ZFHX3: variants seen among roughly 807,000 people sequenced by gnomAD.
ZFHX3 encodes the protein zinc finger homeobox protein 3.
In ZFHX3, 42 loss-of-function variants were observed where a neutral mutation model predicts 279.1. The observed-to-expected ratio is 0.15, with a 90% CI of 0.12 to 0.19. ZFHX3 has a LOEUF of 0.19. Ranked by LOEUF, ZFHX3 falls within the 10% of genes least tolerant of loss-of-function variation. The pLI, the probability that ZFHX3 is intolerant of heterozygous loss-of-function variation, is 1.00. For missense variants in ZFHX3, 4,981 were observed against 4,754.0 expected, an observed-to-expected ratio of 1.05 and a Z score of -1.40; for synonymous variants, 2,293 against 1,957.8, an observed-to-expected ratio of 1.17 and a Z score of -4.52.
At chr16:73,036,475 G>T (rs1208374468) in intron 1 of ZFHX3, among the ~76,000 whole-genome samples, 1 of 152,132 alleles carries the variant, frequency 6.6e-6, no homozygotes, top group Non-Finnish European at 1.5e-5. Context: ...TTTCTCCCTG[G>T]TCTGTCCACC....
chr16:73,512,706 C>T (rs753576172), intron 2 of ZFHX3, among the ~76,000 whole-genome samples: 1 of 152,096 alleles, frequency 6.6e-6, no homozygotes, highest in Non-Finnish European at 1.5e-5. Flanking sequence ...AAAGCTTGGC[C>T]ACGGCAATGG....
chr16:73,782,206 A>T (rs1005551557), intron 1 of ZFHX3, among the ~76,000 whole-genome samples: 2 of 152,168 alleles, frequency 1.3e-5, no homozygotes, highest in Non-Finnish European at 2.9e-5. Context: ...GTAAATCTTG[A>T]GACCTATGGA....
At position 73,093,010 on chromosome 16, in the gene ZFHX3, C is replaced by T. The variant is rs558714606; in HGVS notation, c.-533+225G>A. The T allele has an allele frequency of 4.8e-5, 25 of 520,018 alleles. 1 individual carries two copies. The highest frequency in any genetic ancestry group is 2.0e-4 in the South Asian group (14 of 71,586). The allele number at this position is 520,018 out of a possible 1,614,324, so 32.2% of individuals were successfully genotyped here. A position where few individuals can be genotyped will look rare whatever the true frequency, so the allele number is the denominator to read the frequency against. On this transcript the variant is annotated intron_variant, in intron 8 of 17. Transcript: ENST00000641206. ...GGTGAAATCCCTTCTCCTTTTTCTT[C>T]GGGCCCTTGTTTTCTTCCATCCTTT...
intron 1 of ZFHX3, among the ~76,000 whole-genome samples, chr16:72,992,717 GA>G (rs1682270412): frequency 6.6e-6 from 1 of 152,248 alleles, no homozygotes; most frequent in Non-Finnish European, 1.5e-5. Context: ...GACCAAGAAA[GA>G]AATGTATGGC....
In ZFHX3 at chr16:73,878,940, G is replaced by GATGTATATATATATAT. The variant is rs1288348948; in HGVS notation, c.-1608+12710_-1608+12711insATATATATATATACAT. On this transcript the variant is annotated intron_variant, in intron 1 of 17. Coordinates refer to the ZFHX3 transcript ENST00000641206. ...ATCCTTCACTGTTCAAAAAAGATAAGATATATATATATATATATATATATA... is the reference window on the plus strand; with the variant it reads ...ATCCTTCACTGTTCAAAAAAGATAAGATGTATATATATATATATATATATATATATATATATATATA... Among the ~76,000 whole-genome samples, 4 of 141,030 alleles carry GATGTATATATATATAT rather than the reference G, an allele frequency of 2.8e-5. No individual in the cohort carries two copies. The Admixed American group carries it at 2.9e-4, about 10-fold the overall frequency. The allele number at this position is 141,030 out of a possible 152,430, so 92.5% of individuals were successfully genotyped here.
At chr16:73,804,871 C>CCA (rs1204365922) in intron 1 of ZFHX3, among the ~76,000 whole-genome samples, 3 of 136,092 alleles carry the variant, frequency 2.2e-5, no homozygotes, top group Non-Finnish European at 4.6e-5. Flanking sequence ...ACTTAACACA[C>CCA]CACACACACA....
chr16:73,883,905 T>C (rs922765051), intron 1 of ZFHX3, among the ~76,000 whole-genome samples: 3 of 152,036 alleles, frequency 2.0e-5, no homozygotes, highest in African/African-American at 7.2e-5. Context: ...AAAGCTACAA[T>C]TTTGATCAGA....
At chr16:73,697,666 G>A (rs893946185) in intron 1 of ZFHX3, among the ~76,000 whole-genome samples, 3 of 152,080 alleles carry the variant, frequency 2.0e-5, no homozygotes, top group African/African-American at 4.8e-5. Context: ...ACCTGGATAT[G>A]TGCTAAATTC....
rs550674351 is a variant in ZFHX3, at chr16:73,322,245, A to G, written c.-1290-3909T>C. Among the ~76,000 whole-genome samples the G allele has an allele frequency of 8.0e-5, 12 of 149,684 alleles. 1 individual carries two copies. The South Asian group carries it at 2.3e-3, about 29-fold the overall frequency. ...AGGCAGATGAAATCAGCCAGAAAGC[A>G]CTGAAAAGAGAGAACGCATTTGAAT... On this transcript the variant is annotated intron_variant, in intron 3 of 17. Coordinates refer to the ZFHX3 transcript ENST00000641206.
intron 2 of ZFHX3, among the ~76,000 whole-genome samples, chr16:73,549,392 G>C (rs2020170375): frequency 6.6e-6 from 1 of 152,028 alleles, no homozygotes; most frequent in South Asian, 2.1e-4. Flanking sequence ...GTTAATACAG[G>C]TTCTTTTTTT....
At chr16:73,799,470 G>A (rs1051229961) in intron 1 of ZFHX3, among the ~76,000 whole-genome samples, 1 of 152,132 alleles carries the variant, frequency 6.6e-6, no homozygotes, top group Non-Finnish European at 1.5e-5. Context: ...CTTGCAGGCA[G>A]CATTCTCATC....
intron 2 of ZFHX3, among the ~76,000 whole-genome samples, chr16:73,509,254 A>G (rs769063625): frequency 6.6e-6 from 1 of 152,164 alleles, no homozygotes; most frequent in South Asian, 2.1e-4. Flanking sequence ...AGCCATTAAA[A>G]CCCAGATCCC....
chr16:73,709,315 T>C (rs2053334695), intron 1 of ZFHX3, among the ~76,000 whole-genome samples: 1 of 150,758 alleles, frequency 6.6e-6, no homozygotes. Flanking sequence ...AAGTGAGCTA[T>C]GATTGCACCA....
intron 3 of ZFHX3, among the ~76,000 whole-genome samples, chr16:72,891,295 GA>G (rs780436341): frequency 6.6e-6 from 1 of 152,136 alleles, no homozygotes; most frequent in Non-Finnish European, 1.5e-5. Context: ...GGCAGCCTAA[GA>G]GCCTCCAGGA....
intron 2 of ZFHX3, among the ~76,000 whole-genome samples, chr16:73,660,539 C>G (rs888342969): frequency 1.3e-5 from 2 of 151,960 alleles, no homozygotes; most frequent in African/African-American, 4.8e-5. Context: ...TGGATTAAAC[C>G]ATTTATATAA....
chr16:73,757,342 A>T (rs1349218515), intron 1 of ZFHX3, among the ~76,000 whole-genome samples: 1 of 152,230 alleles, frequency 6.6e-6, no homozygotes, highest in Non-Finnish European at 1.5e-5. Flanking sequence ...ACTACCCATT[A>T]GGAATAAGGA....
At chr16:73,793,436 C>T (rs558684967) in intron 1 of ZFHX3, among the ~76,000 whole-genome samples, 17 of 152,354 alleles carry the variant, frequency 1.1e-4, no homozygotes, top group African/African-American at 3.1e-4. Context: ...CATTTCCAGG[C>T]TTCAATGTCA....
Position 73,088,686 on chromosome 16 carries a change from T to C in ZFHX3, c.-533+4549A>G, listed in dbSNP as rs374410866. On this transcript the variant is annotated intron_variant, in intron 8 of 17. Coordinates refer to the ZFHX3 transcript ENST00000641206. The stretch of plus-strand genomic sequence containing the variant: ...TAGTGAGGGCATGGATCCAGGTAAC[T>C]AAATGAGAGTTAAAACATTCTCAGG... Among the ~76,000 whole-genome samples, 168 of 152,244 alleles carry C rather than the reference T, an allele frequency of 1.1e-3. 6 individuals are homozygous for C. In the South Asian group the frequency reaches 0.034, roughly 31 times the overall value.
At chr16:72,884,477 G>A (rs919269925) in intron 4 of ZFHX3, among the ~76,000 whole-genome samples, 4 of 152,184 alleles carry the variant, frequency 2.6e-5, no homozygotes, top group Non-Finnish European at 5.9e-5. Context: ...GGAGATCAGT[G>A]ATCAGCTATG....
Sources: allele counts gnomAD v4.1 joint callset (sites outside exome capture counted in the v4.1 genomes callset), GRCh38; gene constraint gnomAD v4.1.1; transcripts MANE v1.5; gene names NCBI Gene and HGNC (gene_info 2026-07-23, HGNC 2026-07-21).